The following C1orf105 variants were observed in gnomAD, a reference collection of about 807,000 sequenced individuals.
The protein encoded by C1orf105 is uncharacterized protein C1orf105.
Under a neutral mutation model 20.8 loss-of-function variants are expected in C1orf105, and 17 were observed. That is an observed-to-expected ratio of 0.82 (90% CI 0.56 to 1.23). The LOEUF (loss-of-function observed/expected upper bound fraction) is 1.23. Among genes scored for constraint, C1orf105 ranks in the 50% most tolerant of loss-of-function variants. The pLI, the probability that C1orf105 is intolerant of heterozygous loss-of-function variation, is 0.00. For missense variants in C1orf105, 219 were observed against 213.5 expected, an observed-to-expected ratio of 1.03 and a Z score of -0.16; for synonymous variants, 72 against 72.1, an observed-to-expected ratio of 1.00 and a Z score of 0.01.
chr1:172,465,724 C>G, intron 6 of C1orf105: 1 of 466,560 alleles, frequency 2.1e-6, no homozygotes, highest in South Asian at 1.5e-5. Flanking sequence ...AACTGCATCT[C>G]TATACCCTCA....
intron 1 of C1orf105, chr1:172,442,161 G>A (rs1558132112): frequency 2.5e-6 from 4 of 1,614,054 alleles, no homozygotes; most frequent in Non-Finnish European, 3.4e-6. Context: ...ACAGCATGAA[G>A]ACTGACATGG....
intron 6 of C1orf105, chr1:172,465,730 C>A: frequency 4.3e-6 from 2 of 462,046 alleles, no homozygotes; most frequent in South Asian, 3.1e-5. Flanking sequence ...ATCTCTATAC[C>A]CTCAGAGCGG....
intron 1 of C1orf105, chr1:172,444,127 G>A (rs1048304545): frequency 4.0e-6 from 4 of 990,552 alleles, no homozygotes; most frequent in East Asian, 2.3e-4. Context: ...TTCCCCGGCT[G>A]GAACCATCGC....
intron 6 of C1orf105, among the ~76,000 whole-genome samples, chr1:172,468,138 T>C (rs1650193914): frequency 1.3e-5 from 2 of 152,324 alleles, no homozygotes; most frequent in South Asian, 4.1e-4. Context: ...TTTAATTTAA[T>C]TGGTAATGAC....
chr1:172,431,074 C>T, intron 1 of C1orf105: 2 of 662,010 alleles, frequency 3.0e-6, no homozygotes, highest in Non-Finnish European at 2.7e-6. Flanking sequence ...TCCTGAGACA[C>T]AACAGTATCA....
intron 3 of C1orf105, among the ~76,000 whole-genome samples, chr1:172,455,351 C>A (rs1231623373): frequency 6.6e-6 from 1 of 152,112 alleles, no homozygotes; most frequent in Non-Finnish European, 1.5e-5. Flanking sequence ...CCCCACACTT[C>A]CCAGGGCAAC....
intron 1 of C1orf105, 77 bp downstream of exon 1, chr1:172,420,983 C>T: frequency 7.4e-7 from 1 of 1,347,798 alleles, no homozygotes. Flanking sequence ...GCCTTGGAGG[C>T]CACATAAACA....
intron 1 of C1orf105, chr1:172,444,417 T>C: frequency 1.9e-6 from 1 of 521,014 alleles, no homozygotes; most frequent in Non-Finnish European, 2.5e-6. Flanking sequence ...ATTCCACAGA[T>C]ACTGATTGAA....
At chr1:172,445,046 T>C (rs1177959321) in intron 1 of C1orf105, 27 bp from the exon 2 acceptor site, 1 of 1,567,302 alleles carries the variant, frequency 6.4e-7, no homozygotes, top group African/African-American at 1.4e-5. Flanking sequence ...TGATATATTC[T>C]GTAAAATGTT....
intron 4 of C1orf105, 122 bp from the exon 5 acceptor site, chr1:172,462,056 A>G: frequency 1.4e-6 from 1 of 725,284 alleles, no homozygotes; most frequent in Non-Finnish European, 2.4e-6. Flanking sequence ...CATTCACATC[A>G]CAAAAGGATG....
chr1:172,442,201 G>A (rs371752287), intron 1 of C1orf105: 8 of 1,613,842 alleles, frequency 5.0e-6, no homozygotes, highest in Non-Finnish European at 6.8e-6. Flanking sequence ...GACAGACTCT[G>A]TAAGGGTCTT....
chr1:172,441,218 C>CT (rs1203081174), intron 1 of C1orf105, among the ~76,000 whole-genome samples: 2 of 152,204 alleles, frequency 1.3e-5, no homozygotes, highest in African/African-American at 4.8e-5. Flanking sequence ...GGTAGAAACT[C>CT]TGAGTCAAGG....
At chr1:172,443,886 C>T (rs1490151208) in intron 1 of C1orf105, 11 of 894,040 alleles carry the variant, frequency 1.2e-5, no homozygotes, top group African/African-American at 1.8e-5. Context: ...TTGGGTGGGC[C>T]TCCCACTTCC....
intron 1 of C1orf105, among the ~76,000 whole-genome samples, chr1:172,439,563 A>T (rs2072150267): frequency 6.6e-6 from 1 of 152,188 alleles, no homozygotes; most frequent in Non-Finnish European, 1.5e-5. Context: ...AAATTGTGTA[A>T]GATCAGGGAC....
chr1:172,466,062 A>G (rs1650030095), intron 6 of C1orf105, among the ~76,000 whole-genome samples: 1 of 152,222 alleles, frequency 6.6e-6, no homozygotes, highest in Admixed American at 6.5e-5. Flanking sequence ...CATTTGATAC[A>G]TACAGTAAAG....
At chr1:172,437,762 A>T (rs1184686876) in intron 1 of C1orf105, among the ~76,000 whole-genome samples, 1 of 150,638 alleles carries the variant, frequency 6.6e-6, no homozygotes, top group Non-Finnish European at 1.5e-5. Context: ...AATAATAAAC[A>T]AAACGATTTA....
intron 1 of C1orf105, among the ~76,000 whole-genome samples, chr1:172,437,493 C>A (rs542602092): frequency 6.7e-6 from 1 of 148,224 alleles, no homozygotes; most frequent in East Asian, 2.0e-4. Context: ...GGACAGAAAA[C>A]CGAACACCAC....
At chr1:172,466,508 C>G (rs1375462301) in intron 6 of C1orf105, among the ~76,000 whole-genome samples, 1 of 152,082 alleles carries the variant, frequency 6.6e-6, no homozygotes, top group Non-Finnish European at 1.5e-5. Flanking sequence ...CAGCCACACA[C>G]TCATTCTGCG....
chr1:172,435,021 C>T (rs1416183293), intron 1 of C1orf105, among the ~76,000 whole-genome samples: 2 of 152,202 alleles, frequency 1.3e-5, no homozygotes, highest in Non-Finnish European at 2.9e-5. Flanking sequence ...TTCCTGGACA[C>T]ATACACCCTC....
Sources: allele counts gnomAD v4.1 joint callset (sites outside exome capture counted in the v4.1 genomes callset), GRCh38; gene constraint gnomAD v4.1.1; transcripts MANE v1.5; gene names NCBI Gene and HGNC (gene_info 2026-07-23, HGNC 2026-07-21).